MED4: variants seen among roughly 807,000 people sequenced by gnomAD.
MED4 encodes mediator of RNA polymerase II transcription subunit 4.
In MED4, 21 loss-of-function variants were observed where a neutral mutation model predicts 35.0. The observed-to-expected ratio is 0.60, with a 90% CI of 0.43 to 0.86. The LOEUF is 0.86. Among genes scored for constraint, MED4 ranks in the 40% least tolerant of loss-of-function variants. The pLI is 0.00. For missense variants in MED4, 300 were observed against 319.4 expected (o/e 0.94, Z 0.46); for synonymous variants, 138 against 114.0 (o/e 1.21, Z -1.34).
intron 2 of MED4, among the ~76,000 whole-genome samples, chr13:48,087,391 T>G (rs1327061744): frequency 2.6e-5 from 4 of 152,010 alleles, no homozygotes; most frequent in Admixed American, 2.0e-4. Flanking sequence ...ATATAAATAA[T>G]GAAAGTTCTC....
At position 48,088,151 on chromosome 13, in the gene MED4, G is replaced by A. The variant is rs1050324434; in HGVS notation, c.193-1699C>T. Among the ~76,000 whole-genome samples the A allele has an allele frequency of 7.2e-5, 11 of 152,134 alleles. 1 individual carries two copies. The highest frequency in any genetic ancestry group is 4.6e-4 in the Admixed American group (7 of 15,266). On this transcript the variant is annotated intron_variant, in intron 2 of 6. Coordinates refer to ENST00000258648, the MANE Select transcript of MED4 (RefSeq NM_014166.4). Reference sequence around the variant, plus strand: ...GAGTTCAGCAAAGGCTAGTTATTACGATCACTACCCCAGTACAGAATTAAG... The same window carrying A: ...GAGTTCAGCAAAGGCTAGTTATTACAATCACTACCCCAGTACAGAATTAAG...
At chr13:48,089,361 A>C (rs1213483467) in intron 2 of MED4, among the ~76,000 whole-genome samples, 1 of 152,212 alleles carries the variant, frequency 6.6e-6, no homozygotes, top group African/African-American at 2.4e-5. Flanking sequence ...TGATGCAGAC[A>C]AAAGATTTAT....
In MED4 at chr13:48,086,338, T is replaced by C; in HGVS notation, c.307A>G (p.Arg103Gly). The change falls in exon 3 of 7, where the codon AGA becomes GGA. Residue 103 changes from arginine to glycine, a missense_variant. By Grantham distance (125) the Arg-to-Gly change is moderately radical. Transcript: ENST00000258648. ...TGTAGCTGCTGAATATCACTGTCTC[T>C]CTTCTCTACTTCTTTTTCTAAAACT... ...MQVLEKEVEKRDSDIQQLQKQ... is the reference protein window; with the variant it reads ...MQVLEKEVEKGDSDIQQLQKQ... The C allele has an allele frequency of 1.2e-6, 2 of 1,613,926 alleles. No individual in the cohort carries two copies. The highest frequency in any genetic ancestry group is 1.7e-6 in the Non-Finnish European group (2 of 1,179,934).
At chr13:48,086,245 C>G in intron 3 of MED4, 37 bp downstream of exon 3, 1 of 1,585,018 alleles carries the variant, frequency 6.3e-7, no homozygotes, top group South Asian at 1.1e-5. Flanking sequence ...TAAACAACAT[C>G]CTTTTTAACC....
chr13:48,077,310 ATCTGG>A lies in MED4; in HGVS notation c.641-4_641del, dbSNP rs1210137248. On this transcript the variant is annotated splice_acceptor_variant and splice_polypyrimidine_tract_variant and coding_sequence_variant and intron_variant, in exon 7 of 7. Coordinates refer to ENST00000258648, the MANE Select transcript of MED4 (RefSeq NM_014166.4). LOFTEE classifies it high-confidence loss of function. ...GCCATGGATACTGTGGAGCAAGGAC[ATCTGG>A]AGAAAAAAAGAAGCATAGATAAGAA... 6.8e-7 allele frequency: 1 copy of A among 1,466,164 alleles called. No homozygotes were observed. The highest frequency in any genetic ancestry group is 2.6e-5 in the Admixed American group (1 of 38,190). 90.8% of individuals were successfully genotyped at this position (1,466,164 alleles called of 1,614,324 possible). A position where few individuals can be genotyped will look rare whatever the true frequency, so the allele number is the denominator to read the frequency against.
intron 6 of MED4, among the ~76,000 whole-genome samples, chr13:48,079,567 C>T (rs1229320400): frequency 6.6e-6 from 1 of 151,970 alleles, no homozygotes; most frequent in African/African-American, 2.4e-5. Context: ...GAGCGAAACC[C>T]CATATCCACT....
intron 1 of MED4, among the ~76,000 whole-genome samples, 190 bp from the exon 2 acceptor site, chr13:48,090,608 A>G (rs1199058226): frequency 1.3e-5 from 2 of 152,248 alleles, no homozygotes; most frequent in African/African-American, 2.4e-5. Flanking sequence ...CTAAATGCCA[A>G]TGAAAGACTA....
Position 48,086,461 on chromosome 13 carries a change from T to C in MED4, c.193-9A>G. The C allele has an allele frequency of 6.2e-7, 1 of 1,612,240 alleles. No individual in the cohort carries two copies. The highest frequency in any genetic ancestry group is 8.5e-7 in the Non-Finnish European group (1 of 1,179,298). On this transcript the variant is annotated splice_polypyrimidine_tract_variant and intron_variant, in intron 2 of 6. Coordinates refer to ENST00000258648, the MANE Select transcript of MED4 (RefSeq NM_014166.4). ...ATTAACAACTCCAGGACCTGTCAGA[T>C]AACAGTCAATTAAATCAGACAATAG... is the stretch of plus-strand genomic sequence containing the variant.
chr13:48,079,787 C>A, intron 6 of MED4, 57 bp downstream of exon 6: 1 of 1,573,636 alleles, frequency 6.4e-7, no homozygotes, highest in South Asian at 1.2e-5. Context: ...ATATTCCAAC[C>A]TTGTCATCTC....
rs796823150 is a variant in MED4 at position 48,076,448 on chromosome 13, C to G, written c.*691G>C. 5 of 152,036 alleles carry G rather than the reference C, an allele frequency of 3.3e-5. No homozygotes were observed. Among genetic ancestry groups the G allele is most frequent in the African/African-American group, 4.8e-5 (2 of 41,448 alleles). The allele number at this position is 152,036 out of a possible 1,614,324, so 9.4% of individuals were successfully genotyped here. ...AATTATTTCTTCTAATAGGAATAGGCCTTTGAGAACCCTATTAATTGTAAT... is the reference window on the plus strand; with the variant it reads ...AATTATTTCTTCTAATAGGAATAGGGCTTTGAGAACCCTATTAATTGTAAT... On this transcript the variant is annotated 3_prime_UTR_variant, in exon 7 of 7. Coordinates refer to ENST00000258648, the MANE Select transcript of MED4 (RefSeq NM_014166.4).
intron 2 of MED4, among the ~76,000 whole-genome samples, chr13:48,087,889 A>C (rs1371391502): frequency 1.3e-5 from 2 of 152,194 alleles, no homozygotes; most frequent in Non-Finnish European, 2.9e-5. Context: ...TAAAACAGTA[A>C]ACAAACAAGT....
chr13:48,077,439 C>T (rs1950769548), intron 6 of MED4, 128 bp from the exon 7 acceptor site: 12 of 796,938 alleles, frequency 1.5e-5, no homozygotes, highest in Non-Finnish European at 2.2e-5. Context: ...TTTTTTGACA[C>T]AGGGTCTCAT....
At chr13:48,085,650 C>A (rs933811850) in intron 3 of MED4, among the ~76,000 whole-genome samples, 14 of 152,034 alleles carry the variant, frequency 9.2e-5, no homozygotes, top group African/African-American at 1.4e-4. Flanking sequence ...AATGTCTGGT[C>A]GACATGAGAA....
chr13:48,076,444 T>C lies in MED4; in HGVS notation c.*695A>G, dbSNP rs1317760565. 6.6e-6 allele frequency: 1 copy of C among 152,150 alleles called. No homozygotes were observed. Among genetic ancestry groups the C allele is most frequent in the African/African-American group, 2.4e-5 (1 of 41,424 alleles). 9.4% of individuals were successfully genotyped at this position (152,150 alleles called of 1,614,324 possible). ...AAAAAATTATTTCTTCTAATAGGAA[T>C]AGGCCTTTGAGAACCCTATTAATTG... On this transcript the variant is annotated 3_prime_UTR_variant, in exon 7 of 7. Coordinates refer to ENST00000258648, the MANE Select transcript of MED4 (RefSeq NM_014166.4).
intron 3 of MED4, 54 bp from the exon 4 acceptor site, chr13:48,083,482 T>C (rs1950825631): frequency 2.0e-6 from 3 of 1,484,886 alleles, no homozygotes; most frequent in Middle Eastern, 1.7e-4. Context: ...ATATCAAACT[T>C]AGTTTTTGGC....
At chr13:48,089,461 G>A (rs1950874978) in intron 2 of MED4, among the ~76,000 whole-genome samples, 1 of 152,104 alleles carries the variant, frequency 6.6e-6, no homozygotes, top group African/African-American at 2.4e-5. Context: ...GCCAGCTATG[G>A]TGGCTCATGC....
intron 1 of MED4, among the ~76,000 whole-genome samples, chr13:48,094,152 C>T (rs757719685): frequency 1.3e-5 from 2 of 152,072 alleles, no homozygotes; most frequent in Non-Finnish European, 2.9e-5. Flanking sequence ...GGATAAAGTG[C>T]AGAAGCATGA....
Position 48,077,266 on chromosome 13 carries a change from A to G in MED4, c.686T>C (p.Met229Thr), listed in dbSNP as rs1314766724. 6.4e-7 allele frequency: 1 copy of G among 1,571,096 alleles called. No individual in the cohort carries two copies. The highest frequency in any genetic ancestry group is 2.0e-5 in the Admixed American group (1 of 51,016). The change falls in exon 7 of 7, where the codon ATG becomes ACG. Residue 229 changes from methionine to threonine, a missense_variant. By Grantham distance (81) the Met-to-Thr change is moderately conservative (BLOSUM62 -1). Coordinates refer to ENST00000258648, the MANE Select transcript of MED4 (RefSeq NM_014166.4). ...QYPWQSNDMS[M>T]NMLPPNHSSD... ...ACTATGATTTGGTGGTAACATATTC[A>G]TCGACATGTCATTTGACTGCCATGG...
chr13:48,079,951 G>A lies in MED4; in HGVS notation c.533C>T (p.Thr178Ile), dbSNP rs775421698. The change falls in exon 6 of 7, where the codon ACT becomes ATT. Residue 178 changes from threonine to isoleucine, a missense_variant. Coordinates refer to ENST00000258648, the MANE Select transcript of MED4 (RefSeq NM_014166.4). ...TAACCCACTTCTCATCTCTAAATCA[G>A]TTGGGTAGGGTCTCCGGGGGTCCCC... ...VPGDPRRPYP[T>I]DLEMRSGLLG... The A allele has an allele frequency of 6.2e-7, 1 of 1,613,776 alleles. No individual in the cohort carries two copies. Among genetic ancestry groups the A allele is most frequent in the Admixed American group, 1.7e-5 (1 of 60,012 alleles).
Sources: allele counts gnomAD v4.1 joint callset (sites outside exome capture counted in the v4.1 genomes callset), GRCh38; gene constraint gnomAD v4.1.1; transcripts MANE v1.5; gene names NCBI Gene and HGNC (gene_info 2026-07-23, HGNC 2026-07-21).